Variants in CDK14 observed in about 807,000 individuals in gnomAD.
CDK14 encodes the protein cyclin-dependent kinase 14.
In CDK14, 34 loss-of-function variants were observed where a neutral mutation model predicts 60.7. That is an observed-to-expected ratio of 0.56 (90% confidence interval 0.43 to 0.75). The LOEUF (loss-of-function observed/expected upper bound fraction) is 0.75. Ranked by LOEUF, CDK14 falls within the 30% of genes least tolerant of loss-of-function variation. The probability of loss-of-function intolerance (pLI) is 0.00; values close to 1 mark genes in which losing one functional copy is unlikely to be tolerated. For synonymous variants in CDK14, 197 were observed against 203.7 expected (o/e 0.97, Z 0.28); for missense variants, 482 against 564.1 (o/e 0.85, Z 1.47).
chr7:90,727,942 A>G (rs1160935570), intron 3 of CDK14, among the ~76,000 whole-genome samples: 1 of 152,108 alleles, frequency 6.6e-6, no homozygotes, highest in Non-Finnish European at 1.5e-5. Context: ...TTTAAAGTAC[A>G]TCCTCGCAGT....
At chr7:90,798,413 A>G (rs1788519067) in intron 5 of CDK14, among the ~76,000 whole-genome samples, 1 of 152,174 alleles carries the variant, frequency 6.6e-6, no homozygotes. Flanking sequence ...TAATGGTAGA[A>G]TTTGAAATAT....
At chr7:90,693,020 C>G (rs1801587033) in intron 2 of CDK14, among the ~76,000 whole-genome samples, 1 of 151,874 alleles carries the variant, frequency 6.6e-6, no homozygotes, top group Admixed American at 6.6e-5. Flanking sequence ...AAAAGGTGCA[C>G]AAAAATGTGA....
At chr7:90,738,754 C>A (rs975883638) in intron 3 of CDK14, among the ~76,000 whole-genome samples, 8 of 151,972 alleles carry the variant, frequency 5.3e-5, no homozygotes, top group African/African-American at 1.9e-4. Context: ...CATCAAAAAG[C>A]CAAAGATAAT....
At chr7:90,642,598 T>C (rs1240639935) in intron 2 of CDK14, among the ~76,000 whole-genome samples, 2 of 152,188 alleles carry the variant, frequency 1.3e-5, no homozygotes, top group East Asian at 1.9e-4. Flanking sequence ...CAGGCTGATA[T>C]CAAACTCCTG....
intron 5 of CDK14, among the ~76,000 whole-genome samples, chr7:90,807,184 G>A (rs558150166): frequency 1.3e-5 from 2 of 152,346 alleles, no homozygotes; most frequent in East Asian, 3.9e-4. Flanking sequence ...GTGGGTCCCT[G>A]ACCCCCGAGT....
chr7:91,131,180 G>T (rs1800105537), intron 14 of CDK14, among the ~76,000 whole-genome samples: 1 of 151,800 alleles, frequency 6.6e-6, no homozygotes, highest in Admixed American at 6.6e-5. Flanking sequence ...AGAGGATTAT[G>T]TCCTTAACCC....
chr7:90,649,236 GTT>G (rs1800535071), intron 2 of CDK14, among the ~76,000 whole-genome samples: 2 of 118,770 alleles, frequency 1.7e-5, no homozygotes, highest in African/African-American at 6.4e-5. Context: ...CTAGCCTATA[GTT>G]TCTTTCTTTC....
chr7:91,026,113 C>T (rs1584243046), intron 10 of CDK14, among the ~76,000 whole-genome samples: 1 of 152,042 alleles, frequency 6.6e-6, no homozygotes. Flanking sequence ...AGGCAGTCTT[C>T]TAAGGCTGTC....
At chr7:90,792,893 T>G (rs970049694) in intron 5 of CDK14, among the ~76,000 whole-genome samples, 1 of 152,250 alleles carries the variant, frequency 6.6e-6, no homozygotes, top group Non-Finnish European at 1.5e-5. Context: ...ATTTTACACA[T>G]GTTGTTCCCC....
chr7:91,028,606 T>C (rs1167116699), intron 10 of CDK14, among the ~76,000 whole-genome samples: 1 of 152,216 alleles, frequency 6.6e-6, no homozygotes, highest in Non-Finnish European at 1.5e-5. Context: ...TTGACTTTTT[T>C]AAAATGGCCA....
At chr7:90,812,957 A>T (rs143730786) in intron 5 of CDK14, among the ~76,000 whole-genome samples, 1 of 152,354 alleles carries the variant, frequency 6.6e-6, no homozygotes, top group Non-Finnish European at 1.5e-5. Flanking sequence ...CCACATGAAG[A>T]CATTTACCTA....
chr7:91,030,399 G>C (rs1470237092), intron 10 of CDK14, among the ~76,000 whole-genome samples: 3 of 152,020 alleles, frequency 2.0e-5, no homozygotes, highest in Non-Finnish European at 4.4e-5. Flanking sequence ...TCCCAATATA[G>C]GACCAGTCCT....
At position 90,895,349 on chromosome 7, in the gene CDK14, TCCTCTCCTCACCTCTCCTCCCCTCC is replaced by T. The variant is rs1792269719; in HGVS notation, c.640-3932_640-3908del. ...TCCTTTCCTCTCCTCTCCTCTCCTC[TCCTCTCCTCACCTCTCCTCCCCTCC>T]CCTCTCCTCTCCTCTCCTCTCCTCT... On this transcript the variant is annotated intron_variant, in intron 6 of 14. Coordinates refer to ENST00000380050, the MANE Select transcript of CDK14 (RefSeq NM_001287135.2). Among the ~76,000 whole-genome samples the T allele has an allele frequency of 2.3e-5, 2 of 88,662 alleles. 1 individual carries two copies. The highest frequency in any genetic ancestry group is 4.7e-5 in the Non-Finnish European group (2 of 42,620). 58.2% of individuals were successfully genotyped at this position (88,662 alleles called of 152,430 possible).
At chr7:90,810,773 G>A (rs1003426316) in intron 5 of CDK14, among the ~76,000 whole-genome samples, 1 of 151,516 alleles carries the variant, frequency 6.6e-6, no homozygotes, top group Admixed American at 6.6e-5. Flanking sequence ...CAAAGTCTCA[G>A]GATACAAAAT....
At chr7:90,829,439 C>T (rs1435419768) in intron 5 of CDK14, among the ~76,000 whole-genome samples, 1 of 152,130 alleles carries the variant, frequency 6.6e-6, no homozygotes, top group Non-Finnish European at 1.5e-5. Context: ...GGGGTACAGG[C>T]ATTGGGTAAA....
At chr7:90,866,634 A>AC (rs1791202987) in intron 6 of CDK14, among the ~76,000 whole-genome samples, 1 of 152,188 alleles carries the variant, frequency 6.6e-6, no homozygotes, top group East Asian at 1.9e-4. Flanking sequence ...AAGGATTCTT[A>AC]TTTATAATAT....
chr7:90,711,985 A>T (rs1014265041), intron 2 of CDK14, among the ~76,000 whole-genome samples: 1 of 151,532 alleles, frequency 6.6e-6, no homozygotes, highest in African/African-American at 2.4e-5. Context: ...TGGCCTTCCA[A>T]AGTACTGGGA....
chr7:90,751,346 C>T (rs956987764), intron 4 of CDK14, among the ~76,000 whole-genome samples: 1 of 152,038 alleles, frequency 6.6e-6, no homozygotes, highest in Non-Finnish European at 1.5e-5. Flanking sequence ...CCTTACAAGC[C>T]AGGAGAGTTT....
chr7:90,688,862 C>G (rs1267840302), intron 2 of CDK14, among the ~76,000 whole-genome samples: 2 of 152,122 alleles, frequency 1.3e-5, no homozygotes, highest in Non-Finnish European at 2.9e-5. Flanking sequence ...CACCCAAAAG[C>G]CATAATGAAT....
Sources: gnomAD v4.1 joint callset for allele counts (sites outside exome capture counted in the v4.1 genomes callset) on GRCh38, gnomAD v4.1.1 for gene constraint, MANE v1.5 for transcripts, NCBI Gene and HGNC (gene_info 2026-07-23, HGNC 2026-07-21) for gene names.